The following CADM2 variants were observed in gnomAD, a reference collection of about 807,000 sequenced individuals.
The protein encoded by CADM2 is cell adhesion molecule 2.
CADM2 carries 12 observed loss-of-function variants against 49.8 expected under a neutral mutation model. That is an observed-to-expected ratio of 0.24 (90% CI 0.15 to 0.39). The LOEUF (loss-of-function observed/expected upper bound fraction) is 0.39, where lower values mean the gene tolerates loss of function less well. Among genes scored for constraint, CADM2 ranks in the 10% least tolerant of loss-of-function variants. The pLI is 1.00. For missense variants in CADM2, 378 were observed against 492.3 expected, an observed-to-expected ratio of 0.77 and a Z score of 2.20; for synonymous variants, 214 against 175.4, an observed-to-expected ratio of 1.22 and a Z score of -1.74.
intron 1 of CADM2, among the ~76,000 whole-genome samples, chr3:85,048,364 A>G (rs1452841286): frequency 2.6e-5 from 4 of 152,188 alleles, no homozygotes; most frequent in African/African-American, 4.8e-5. Context: ...TTATCTGTGT[A>G]TGGAAGATAA....
chr3:85,063,695 G>A (rs1202935321), intron 1 of CADM2, among the ~76,000 whole-genome samples: 1 of 151,924 alleles, frequency 6.6e-6, no homozygotes, highest in Non-Finnish European at 1.5e-5. Flanking sequence ...TGCTTGAAGT[G>A]GACTGTTTTA....
intron 1 of CADM2, among the ~76,000 whole-genome samples, chr3:85,446,604 GTT>G (rs5850688): frequency 1.5e-5 from 2 of 132,010 alleles, no homozygotes; most frequent in African/African-American, 2.8e-5. Context: ...TTTGTTTTTT[GTT>G]TTTTTTTTTT....
chr3:85,726,697 T>C (rs2067708299), intron 2 of CADM2, 149 bp downstream of exon 2: 3 of 526,962 alleles, frequency 5.7e-6, no homozygotes, highest in African/African-American at 3.9e-5. Context: ...AATACAAATA[T>C]CAATTATTTC....
In CADM2 at chr3:85,948,064, T is replaced by C. The variant is rs1722956970; in HGVS notation, c.791+12207T>C. 2.0e-5 allele frequency among the ~76,000 whole-genome samples: 3 copies of C among 151,668 alleles called. No homozygotes were observed. In the Admixed American group the frequency reaches 2.0e-4, roughly 10 times the overall value. ...TAGTAGATTTTTCAGACATGCACTC[T>C]TTTGCTTATAGATTTAAAATTTGTA... On this transcript the variant is annotated intron_variant, in intron 7 of 9. Transcript: ENST00000383699.
chr3:85,635,473 G>A (rs975651001), intron 1 of CADM2, among the ~76,000 whole-genome samples: 19 of 152,038 alleles, frequency 1.2e-4, no homozygotes, highest in Non-Finnish European at 2.2e-4. Context: ...ATGGTATTTC[G>A]AAGATTGTTG....
At chr3:85,100,506 G>C (rs2037972164) in intron 1 of CADM2, among the ~76,000 whole-genome samples, 1 of 152,182 alleles carries the variant, frequency 6.6e-6, no homozygotes, top group South Asian at 2.1e-4. Flanking sequence ...GAGTGTGGTA[G>C]ATTAGAAAGT....
chr3:85,522,125 C>G (rs1260430575), intron 1 of CADM2, among the ~76,000 whole-genome samples: 1 of 152,190 alleles, frequency 6.6e-6, no homozygotes, highest in East Asian at 1.9e-4. Flanking sequence ...CTTCACTATT[C>G]TGTTCATTCA....
intron 3 of CADM2, among the ~76,000 whole-genome samples, chr3:85,819,383 T>A (rs1265356827): frequency 6.6e-6 from 1 of 152,060 alleles, no homozygotes; most frequent in Admixed American, 6.6e-5. Flanking sequence ...CATCCTTCAA[T>A]CCAATCAGGT....
intron 8 of CADM2, among the ~76,000 whole-genome samples, chr3:86,043,074 G>T (rs528451579): frequency 2.6e-5 from 4 of 152,098 alleles, no homozygotes; most frequent in Non-Finnish European, 5.9e-5. Flanking sequence ...TTGATGGGAC[G>T]TATCTCAAAA....
chr3:85,632,034 TG>T (rs2064325029), intron 1 of CADM2, among the ~76,000 whole-genome samples: 1 of 152,176 alleles, frequency 6.6e-6, no homozygotes, highest in African/African-American at 2.4e-5. Context: ...AAATGGCTTC[TG>T]ATGTAGTTTG....
rs187348619 is a variant in CADM2, at chr3:85,250,010, G to C, written c.61+290342G>C. 1.4e-3 allele frequency among the ~76,000 whole-genome samples: 217 copies of C among 151,840 alleles called. 2 individuals are homozygous for C. Among genetic ancestry groups the C allele is most frequent in the Non-Finnish European group, 1.6e-3 (108 of 67,742 alleles). On this transcript the variant is annotated intron_variant, in intron 1 of 9. Transcript: ENST00000383699. Reference sequence around the variant, plus strand: ...TAAATGAAATAAATTCATTATATTTGAACACTTTATATTCATCAGTATTTT... The same window carrying C: ...TAAATGAAATAAATTCATTATATTTCAACACTTTATATTCATCAGTATTTT...
chr3:85,960,125 C>T (rs1724634703), intron 7 of CADM2, among the ~76,000 whole-genome samples: 1 of 151,896 alleles, frequency 6.6e-6, no homozygotes, highest in African/African-American at 2.4e-5. Context: ...GTTGTCAGTA[C>T]TTAAACACTT....
At chr3:85,460,691 T>A (rs1377863214) in intron 1 of CADM2, among the ~76,000 whole-genome samples, 1 of 151,990 alleles carries the variant, frequency 6.6e-6, no homozygotes, top group African/African-American at 2.4e-5. Context: ...TCTTAACTAC[T>A]ATGTTTGGAA....
chr3:84,978,841 A>G (rs2031991911), intron 1 of CADM2, among the ~76,000 whole-genome samples: 1 of 152,218 alleles, frequency 6.6e-6, no homozygotes, highest in Non-Finnish European at 1.5e-5. Context: ...GCAAAATTGG[A>G]TGTAACTTTA....
chr3:85,971,885 C>T (rs1022816149), intron 8 of CADM2, among the ~76,000 whole-genome samples: 26 of 151,560 alleles, frequency 1.7e-4, no homozygotes, highest in Non-Finnish European at 5.9e-5. Context: ...TTTAAAATTG[C>T]AGTACTTTTC....
At chr3:85,133,257 A>C (rs1375960393) in intron 1 of CADM2, among the ~76,000 whole-genome samples, 1 of 151,926 alleles carries the variant, frequency 6.6e-6, no homozygotes, top group East Asian at 1.9e-4. Context: ...GTTTGCCACC[A>C]CTCGCTCGGG....
At chr3:85,612,279 G>T (rs2063699595) in intron 1 of CADM2, among the ~76,000 whole-genome samples, 1 of 151,844 alleles carries the variant, frequency 6.6e-6, no homozygotes, top group Admixed American at 6.6e-5. Context: ...TAAGCACATA[G>T]CCACACTTAG....
intron 1 of CADM2, among the ~76,000 whole-genome samples, chr3:85,206,156 G>T (rs976799870): frequency 6.6e-6 from 1 of 151,918 alleles, no homozygotes; most frequent in Admixed American, 6.6e-5. Flanking sequence ...GTTTGTTACA[G>T]ATAATACTAC....
chr3:85,513,643 A>G (rs1410517484), intron 1 of CADM2, among the ~76,000 whole-genome samples: 1 of 151,990 alleles, frequency 6.6e-6, no homozygotes, highest in Admixed American at 6.6e-5. Flanking sequence ...TCCTTTAAAT[A>G]AAGAGTAGAA....
Sources: allele counts gnomAD v4.1 joint callset (sites outside exome capture counted in the v4.1 genomes callset), GRCh38; gene constraint gnomAD v4.1.1; transcripts MANE v1.5; gene names NCBI Gene and HGNC (gene_info 2026-07-23, HGNC 2026-07-21).